The following CACNB2 variants were observed in gnomAD, a reference collection of about 807,000 sequenced individuals.
The protein encoded by CACNB2 is voltage-dependent L-type calcium channel subunit beta-2.
CACNB2 carries 42 observed loss-of-function variants against 73.3 expected under a neutral mutation model. The observed-to-expected ratio is 0.57, with a 90% CI of 0.45 to 0.74. The LOEUF (loss-of-function observed/expected upper bound fraction) is 0.74, where lower values mean the gene tolerates loss of function less well. Ranked by LOEUF, CACNB2 falls within the 30% of genes least tolerant of loss-of-function variation. CACNB2 has a pLI of 0.00. For synonymous variants in CACNB2, 348 were observed against 310.3 expected (o/e 1.12, Z -1.28); for missense variants, 940 against 853.0 (o/e 1.10, Z -1.27).
At chr10:18,447,965 A>G (rs2132582813) in intron 3 of CACNB2, among the ~76,000 whole-genome samples, 1 of 152,246 alleles carries the variant, frequency 6.6e-6, no homozygotes, top group South Asian at 2.1e-4. Context: ...GCAGAAAAGA[A>G]GGGATAATGG....
chr10:18,506,700 C>T (rs559907576), intron 6 of CACNB2, among the ~76,000 whole-genome samples, 153 bp downstream of exon 6: 8 of 152,152 alleles, frequency 5.3e-5, no homozygotes, highest in Non-Finnish European at 8.8e-5. Context: ...TTTGGAGTTA[C>T]AAACAATATG....
chr10:18,354,527 T>C (rs552013514), intron 2 of CACNB2, among the ~76,000 whole-genome samples: 94 of 152,260 alleles, frequency 6.2e-4, no homozygotes, highest in African/African-American at 2.0e-3. Context: ...TTGATTGTGT[T>C]GGATGAAGCT....
intron 2 of CACNB2, among the ~76,000 whole-genome samples, chr10:18,151,932 A>G (rs954786965): frequency 2.6e-5 from 4 of 152,174 alleles, no homozygotes; most frequent in African/African-American, 4.8e-5. Context: ...CATCATGGCC[A>G]TAGATTCCAC....
chr10:18,494,631 C>CA (rs909672661), intron 3 of CACNB2, among the ~76,000 whole-genome samples: 6,819 of 61,138 alleles, frequency 0.11, 438 homozygotes, highest in African/African-American at 0.25. Context: ...GACTCCGTCT[C>CA]AAAAAAAAAA....
intron 3 of CACNB2, among the ~76,000 whole-genome samples, chr10:18,430,167 A>G (rs978820518): frequency 6.6e-6 from 1 of 151,616 alleles, no homozygotes; most frequent in Non-Finnish European, 1.5e-5. Context: ...CTAAAATACT[A>G]GGGAAGAAGA....
chr10:18,342,972 C>G (rs2041294199), intron 2 of CACNB2, among the ~76,000 whole-genome samples: 1 of 152,084 alleles, frequency 6.6e-6, no homozygotes, highest in African/African-American at 2.4e-5. Context: ...CAGTTTATTT[C>G]AGTACCTTCT....
intron 1 of CACNB2, among the ~76,000 whole-genome samples, chr10:18,148,928 G>C (rs887292949): frequency 2.0e-5 from 3 of 151,654 alleles, no homozygotes; most frequent in Non-Finnish European, 2.9e-5. Context: ...AGAGGGTGTG[G>C]GGTGTAGTCA....
chr10:18,315,214 A>G (rs2040115945), intron 2 of CACNB2, among the ~76,000 whole-genome samples: 1 of 151,996 alleles, frequency 6.6e-6, no homozygotes, highest in Non-Finnish European at 1.5e-5. Context: ...CACATCTGTA[A>G]TCCCAGCTAC....
At chr10:18,411,507 T>A (rs918755350) in intron 3 of CACNB2, among the ~76,000 whole-genome samples, 7 of 39,544 alleles carry the variant, frequency 1.8e-4, no homozygotes, top group East Asian at 6.6e-4. Context: ...TCTTTGAGCA[T>A]TTTTTTTTTT....
chr10:18,539,924 T>C lies in CACNB2; in HGVS notation c.*200T>C, dbSNP rs1026506245. The C allele has an allele frequency of 1.3e-5, 8 of 629,328 alleles. No homozygotes were observed. The Admixed American group carries it at 2.3e-4, about 18-fold the overall frequency. 39.0% of individuals were successfully genotyped at this position (629,328 alleles called of 1,614,324 possible). The stretch of plus-strand genomic sequence containing the variant: ...TTTTCTTTTGTAAGTGCTACATAAA[T>C]TGGCCTGGTATGGCTGCAGTCCTCC... On this transcript the variant is annotated 3_prime_UTR_variant, in exon 14 of 14. Transcript: ENST00000324631.
intron 2 of CACNB2, among the ~76,000 whole-genome samples, chr10:18,309,028 C>T (rs988156428): frequency 4.6e-5 from 7 of 152,068 alleles, no homozygotes; most frequent in Admixed American, 3.3e-4. Flanking sequence ...ACTTATTCCT[C>T]GGAAGTGATG....
At chr10:18,452,776 G>A (rs753354142) in intron 3 of CACNB2, among the ~76,000 whole-genome samples, 1 of 152,180 alleles carries the variant, frequency 6.6e-6, no homozygotes. Flanking sequence ...ACCAAAAAAG[G>A]TTCTCTGGCC....
intron 2 of CACNB2, among the ~76,000 whole-genome samples, chr10:18,177,018 G>A (rs563595068): frequency 2.0e-5 from 3 of 152,196 alleles, no homozygotes; most frequent in African/African-American, 7.2e-5. Context: ...TTTAGGTAGT[G>A]ACTGAGGGAA....
At chr10:18,332,367 G>T (rs887442693) in intron 2 of CACNB2, among the ~76,000 whole-genome samples, 2 of 152,100 alleles carry the variant, frequency 1.3e-5, no homozygotes, top group Non-Finnish European at 2.9e-5. Flanking sequence ...GGAGCATGTG[G>T]GTGCTGTTTG....
intron 2 of CACNB2, among the ~76,000 whole-genome samples, chr10:18,357,841 T>C (rs1356783538): frequency 6.6e-6 from 1 of 152,112 alleles, no homozygotes; most frequent in Non-Finnish European, 1.5e-5. Context: ...TTCTCAGTCA[T>C]TGAAACAACC....
Position 18,401,216 on chromosome 10 carries a change from A to C in CACNB2, c.214-708A>C, listed in dbSNP as rs1302216555. On this transcript the variant is annotated intron_variant, in intron 2 of 13. Coordinates refer to ENST00000324631, the MANE Select transcript of CACNB2 (RefSeq NM_201596.3). ...ATTTGGTTAATCGGATCATGATTGC[A>C]GGAGAGGGAAGCTAGGGAGATTCCT... The C allele has an allele frequency of 9.7e-6, 12 of 1,233,050 alleles. No individual in the cohort carries two copies. The East Asian group carries it at 2.5e-4, about 26-fold the overall frequency. The allele number at this position is 1,233,050 out of a possible 1,614,324, so 76.4% of individuals were successfully genotyped here.
intron 8 of CACNB2, 120 bp downstream of exon 8, chr10:18,518,536 G>C: frequency 6.4e-6 from 5 of 781,386 alleles, no homozygotes; most frequent in Non-Finnish European, 1.1e-5. Context: ...TTAGAGCTTA[G>C]AGAGCTCACA....
intron 2 of CACNB2, among the ~76,000 whole-genome samples, chr10:18,368,843 A>C (rs1023356226): frequency 2.0e-5 from 3 of 152,156 alleles, no homozygotes; most frequent in African/African-American, 7.2e-5. Flanking sequence ...ATGAAGAAAA[A>C]ATATTTAAAG....
At chr10:18,465,657 A>C (rs2047837524) in intron 3 of CACNB2, among the ~76,000 whole-genome samples, 1 of 151,592 alleles carries the variant, frequency 6.6e-6, no homozygotes, top group Non-Finnish European at 1.5e-5. Context: ...TTGATCCCAA[A>C]GATAAGTACG....
Sources: gnomAD v4.1 joint callset for allele counts (sites outside exome capture counted in the v4.1 genomes callset) on GRCh38, gnomAD v4.1.1 for gene constraint, MANE v1.5 for transcripts, NCBI Gene and HGNC (gene_info 2026-07-23, HGNC 2026-07-21) for gene names.